The following GBE1 variants were observed in gnomAD, a reference collection of about 807,000 sequenced individuals.
GBE1 encodes 1,4-alpha-glucan-branching enzyme.
Under a neutral mutation model 88.8 loss-of-function variants are expected in GBE1, and 70 were observed. The observed-to-expected ratio is 0.79, with a 90% CI of 0.65 to 0.96. The LOEUF is 0.96. Among genes scored for constraint, GBE1 ranks in the 40% least tolerant of loss-of-function variants. The pLI is 0.00. For synonymous variants in GBE1, 284 were observed against 300.1 expected (o/e 0.95, Z 0.56); for missense variants, 872 against 871.0 (o/e 1.00, Z -0.01).
At chr3:81,645,130 G>T (rs909438545) in intron 6 of GBE1, among the ~76,000 whole-genome samples, 1 of 152,128 alleles carries the variant, frequency 6.6e-6, no homozygotes, top group Non-Finnish European at 1.5e-5. Context: ...ACTTAAGTTT[G>T]GGAGTTAACA....
intron 4 of GBE1, 137 bp from the exon 5 acceptor site, chr3:81,649,128 A>G (rs1245821589): frequency 1.3e-5 from 7 of 559,888 alleles, no homozygotes; most frequent in African/African-American, 8.0e-5. Context: ...CACCAGCTAC[A>G]CTCACTAAAT....
At chr3:81,586,456 G>T (rs1388703895) in intron 9 of GBE1, among the ~76,000 whole-genome samples, 2 of 152,190 alleles carry the variant, frequency 1.3e-5, no homozygotes, top group South Asian at 2.1e-4. Context: ...TAGCAAAACT[G>T]TTATTGCTAA....
intron 2 of GBE1, among the ~76,000 whole-genome samples, chr3:81,682,080 A>G (rs548259391): frequency 1.3e-5 from 2 of 152,348 alleles, no homozygotes; most frequent in East Asian, 3.9e-4. Context: ...CAATTGAATA[A>G]AAAAGACAAC....
intron 14 of GBE1, among the ~76,000 whole-genome samples, chr3:81,508,654 T>C (rs574938872): frequency 6.6e-6 from 1 of 152,156 alleles, no homozygotes; most frequent in South Asian, 2.1e-4. Context: ...TCAAGTGCAA[T>C]ATAGCTAAAT....
At position 81,501,686 on chromosome 3, in the gene GBE1, C is replaced by CTTTTT. The variant is rs35149061; in HGVS notation, c.1935-2464_1935-2460dup. ...GAATTCCCTCATTTACTTAGGGGCACTTTTTTTTTTTTTTTTTTTTTTTTT... is the reference window on the plus strand; with the variant it reads ...GAATTCCCTCATTTACTTAGGGGCACTTTTTTTTTTTTTTTTTTTTTTTTTTTTTT... On this transcript the variant is annotated intron_variant, in intron 14 of 15. Transcript: ENST00000429644. 2.4e-3 allele frequency among the ~76,000 whole-genome samples: 174 copies of CTTTTT among 71,990 alleles called. 28 individuals are homozygous for CTTTTT. Among genetic ancestry groups the CTTTTT allele is most frequent in the African/African-American group, 6.1e-3 (103 of 16,788 alleles). 47.2% of individuals were successfully genotyped at this position (71,990 alleles called of 152,430 possible). A position where few individuals can be genotyped will look rare whatever the true frequency, so the allele number is the denominator to read the frequency against.
At chr3:81,596,385 C>T (rs1359104763) in intron 7 of GBE1, among the ~76,000 whole-genome samples, 2 of 151,734 alleles carry the variant, frequency 1.3e-5, no homozygotes, top group African/African-American at 4.8e-5. Context: ...GTGCTGCACC[C>T]AGTAACTCAT....
intron 10 of GBE1, among the ~76,000 whole-genome samples, chr3:81,583,753 C>T (rs1375823526): frequency 6.6e-6 from 1 of 151,950 alleles, no homozygotes; most frequent in East Asian, 1.9e-4. Context: ...TTATTAGAAG[C>T]AAGCAAGATG....
intron 2 of GBE1, among the ~76,000 whole-genome samples, chr3:81,681,813 A>C (rs1705349038): frequency 1.3e-5 from 2 of 152,198 alleles, no homozygotes; most frequent in African/African-American, 2.4e-5. Flanking sequence ...TACAAAACTA[A>C]CTCAAAATGA....
At chr3:81,608,769 T>A (rs1167753486) in intron 7 of GBE1, among the ~76,000 whole-genome samples, 1 of 152,192 alleles carries the variant, frequency 6.6e-6, no homozygotes, top group Non-Finnish European at 1.5e-5. Flanking sequence ...ATCCATATAA[T>A]CATATTTAAT....
At chr3:81,545,223 C>CT (rs1167341163) in intron 12 of GBE1, among the ~76,000 whole-genome samples, 1 of 141,716 alleles carries the variant, frequency 7.1e-6, no homozygotes, top group Non-Finnish European at 1.6e-5. Flanking sequence ...TGTGATTTTT[C>CT]TTTAAAAAAA....
chr3:81,631,649 A>G (rs1704512172), intron 7 of GBE1, among the ~76,000 whole-genome samples: 1 of 151,490 alleles, frequency 6.6e-6, no homozygotes. Context: ...CAGAAGGCTG[A>G]GGCAGGAGAA....
chr3:81,740,665 A>G (rs1206976510), intron 1 of GBE1, among the ~76,000 whole-genome samples: 1 of 152,106 alleles, frequency 6.6e-6, no homozygotes, highest in African/African-American at 2.4e-5. Context: ...TTCTCCAACT[A>G]TACAAACTGC....
At chr3:81,646,101 G>C (rs1053007225) in intron 6 of GBE1, among the ~76,000 whole-genome samples, 1 of 152,118 alleles carries the variant, frequency 6.6e-6, no homozygotes. Context: ...GGCTTTCATA[G>C]GAAAAGATTT....
intron 12 of GBE1, among the ~76,000 whole-genome samples, chr3:81,563,485 C>T (rs565428699): frequency 3.9e-5 from 6 of 152,084 alleles, no homozygotes; most frequent in Non-Finnish European, 7.4e-5. Flanking sequence ...GGGATCAAAT[C>T]GAGGGAAGGC....
In GBE1 at chr3:81,597,424, A is replaced by AAT. The variant is rs1052151620; in HGVS notation, c.993-3403_993-3402dup. On this transcript the variant is annotated intron_variant, in intron 7 of 15. Transcript: ENST00000429644. ...TGCTAACTTTTAGATGGTGATGTCA[A>AAT]ATATATATATATATCTCAAAAATAT... Among the ~76,000 whole-genome samples the AAT allele has an allele frequency of 2.3e-4, 34 of 146,886 alleles. 1 individual carries two copies. Among genetic ancestry groups the AAT allele is most frequent in the South Asian group, 1.1e-3 (5 of 4,692 alleles).
intron 12 of GBE1, among the ~76,000 whole-genome samples, chr3:81,546,821 T>C (rs915832099): frequency 5.9e-5 from 9 of 151,466 alleles, no homozygotes; most frequent in Non-Finnish European, 1.2e-4. Context: ...ATTCCTCTAC[T>C]TTCTTAATAA....
chr3:81,684,932 T>C (rs1320738437), intron 2 of GBE1, among the ~76,000 whole-genome samples: 1 of 152,176 alleles, frequency 6.6e-6, no homozygotes, highest in Non-Finnish European at 1.5e-5. Flanking sequence ...AGAGCATGAC[T>C]CAGGCTACTC....
chr3:81,709,274 A>G (rs1705820446), intron 1 of GBE1, among the ~76,000 whole-genome samples: 2 of 152,160 alleles, frequency 1.3e-5, no homozygotes, highest in Non-Finnish European at 2.9e-5. Context: ...ATGGAATACC[A>G]TATGCAAACT....
chr3:81,722,902 A>G (rs1575766349), intron 1 of GBE1, among the ~76,000 whole-genome samples: 1 of 143,348 alleles, frequency 7.0e-6, no homozygotes. Flanking sequence ...GTGTGTATAT[A>G]TATATATATA....
Sources: gnomAD v4.1 joint callset for allele counts (sites outside exome capture counted in the v4.1 genomes callset) on GRCh38, gnomAD v4.1.1 for gene constraint, MANE v1.5 for transcripts, NCBI Gene and HGNC (gene_info 2026-07-23, HGNC 2026-07-21) for gene names.